SAMD12: variants seen among roughly 807,000 people sequenced by gnomAD.
SAMD12 encodes sterile alpha motif domain-containing protein 12.
SAMD12 carries 9 observed loss-of-function variants against 15.0 expected under a neutral mutation model. That is an observed-to-expected ratio of 0.60 (90% CI 0.36 to 1.05). The LOEUF is 1.05. Ranked by LOEUF, SAMD12 falls within the 50% of genes least tolerant of loss-of-function variation. The pLI is 0.01. For missense variants in SAMD12, 230 were observed against 234.2 expected (o/e 0.98, Z 0.12); for synonymous variants, 86 against 90.1 (o/e 0.96, Z 0.25).
chr8:118,405,436 C>T (rs138324001), intron 3 of SAMD12, among the ~76,000 whole-genome samples: 1 of 151,958 alleles, frequency 6.6e-6, no homozygotes, highest in African/African-American at 2.4e-5. Flanking sequence ...TGGAAAAAAA[C>T]CAGGTATAAA....
intron 2 of SAMD12, among the ~76,000 whole-genome samples, chr8:118,530,176 A>T (rs377329631): frequency 6.6e-6 from 1 of 152,084 alleles, no homozygotes; most frequent in African/African-American, 2.4e-5. Flanking sequence ...TCTTCTTTTG[A>T]GAAGTGTCTG....
At chr8:118,366,095 C>A (rs980130840) in intron 4 of SAMD12, among the ~76,000 whole-genome samples, 3 of 152,166 alleles carry the variant, frequency 2.0e-5, no homozygotes, top group Non-Finnish European at 4.4e-5. Context: ...AGGCACTCAG[C>A]AAATACACGG....
intron 1 of SAMD12, among the ~76,000 whole-genome samples, chr8:118,620,211 T>C (rs1828357172): frequency 6.6e-6 from 1 of 152,018 alleles, no homozygotes. Context: ...AAGAGGAGTG[T>C]CCCTGTCTTG....
At chr8:118,429,901 C>T (rs1222547777) in intron 3 of SAMD12, among the ~76,000 whole-genome samples, 1 of 151,394 alleles carries the variant, frequency 6.6e-6, no homozygotes, top group Admixed American at 6.6e-5. Flanking sequence ...CACACACATA[C>T]AAAAATAGAT....
intron 4 of SAMD12, among the ~76,000 whole-genome samples, chr8:118,237,608 C>T (rs906555784): frequency 2.0e-5 from 3 of 152,062 alleles, no homozygotes; most frequent in Non-Finnish European, 2.9e-5. Context: ...CCCAGGGCCT[C>T]TTACTATGAG....
intron 4 of SAMD12, among the ~76,000 whole-genome samples, chr8:118,305,803 C>T (rs1167984925): frequency 2.6e-5 from 4 of 152,124 alleles, no homozygotes; most frequent in Non-Finnish European, 5.9e-5. Flanking sequence ...ACTCTGTTTG[C>T]CTGGGATGAC....
At chr8:118,374,531 T>A (rs1488342647), downstream of SAMD12, among the ~76,000 whole-genome samples, 1 of 152,086 alleles carries the variant, frequency 6.6e-6, no homozygotes. Context: ...GGTAACTCTA[T>A]TTTTAGTTTT....
intron 1 of SAMD12, among the ~76,000 whole-genome samples, chr8:118,604,106 C>A (rs566934392): frequency 6.6e-6 from 1 of 152,184 alleles, no homozygotes; most frequent in African/African-American, 2.4e-5. Flanking sequence ...ACATACATAC[C>A]AGGCTTCACT....
the SAMD12 span, among the ~76,000 whole-genome samples, chr8:118,182,632 A>G: frequency 6.6e-6 from 1 of 152,242 alleles, no homozygotes. Flanking sequence ...TTGAATAAAC[A>G]TAAAAAAAAC....
chr8:118,481,235 G>A (rs556726259), intron 2 of SAMD12, among the ~76,000 whole-genome samples: 1 of 152,280 alleles, frequency 6.6e-6, no homozygotes, highest in Admixed American at 6.5e-5. Context: ...GATTACAGGT[G>A]TGAGCCACTG....
chr8:118,410,019 A>C (rs529816239), intron 3 of SAMD12, among the ~76,000 whole-genome samples: 15 of 152,182 alleles, frequency 9.9e-5, no homozygotes, highest in African/African-American at 3.4e-4. Flanking sequence ...GTTAGCTAGC[A>C]ATAATATGAA....
chr8:118,340,693 C>T (rs536324658), intron 4 of SAMD12, among the ~76,000 whole-genome samples: 7 of 152,132 alleles, frequency 4.6e-5, no homozygotes, highest in Admixed American at 3.3e-4. Flanking sequence ...CACTTGAACC[C>T]GGGAGGTGGA....
chr8:118,207,928 CT>C (rs11428909), intron 4 of SAMD12, among the ~76,000 whole-genome samples: 53,097 of 149,632 alleles, frequency 0.35, 10,331 homozygotes, highest in African/African-American at 0.53. Flanking sequence ...GTAAATACTC[CT>C]TTTTTTTTTT....
chr8:118,355,130 A>T (rs1818167257), intron 4 of SAMD12, among the ~76,000 whole-genome samples: 1 of 152,238 alleles, frequency 6.6e-6, no homozygotes, highest in Non-Finnish European at 1.5e-5. Flanking sequence ...AAAAATATGG[A>T]ACCAACCCAA....
the SAMD12 span, among the ~76,000 whole-genome samples, chr8:118,170,271 T>C: frequency 6.6e-6 from 1 of 152,192 alleles, no homozygotes; most frequent in Non-Finnish European, 1.5e-5. Flanking sequence ...AGGCCCAATA[T>C]GTATTAGTTA....
At chr8:118,236,233 C>T (rs1383086506) in intron 4 of SAMD12, among the ~76,000 whole-genome samples, 1 of 152,178 alleles carries the variant, frequency 6.6e-6, no homozygotes, top group Non-Finnish European at 1.5e-5. Context: ...GCAGCAACAT[C>T]TCATTTGCCA....
intron 2 of SAMD12, among the ~76,000 whole-genome samples, chr8:118,479,590 A>G (rs1053655283): frequency 5.3e-5 from 8 of 152,174 alleles, no homozygotes; most frequent in African/African-American, 1.9e-4. Context: ...GTGCAACTCA[A>G]GATGAGATTT....
chr8:118,612,782 A>C (rs760545126), intron 1 of SAMD12, among the ~76,000 whole-genome samples: 19 of 152,354 alleles, frequency 1.2e-4, no homozygotes, highest in Non-Finnish European at 2.4e-4. Flanking sequence ...TGGTTTACTC[A>C]TGATTACCAA....
chr8:118,400,613 C>A (rs370522590), intron 3 of SAMD12: 21 of 152,208 alleles, frequency 1.4e-4, no homozygotes, highest in African/African-American at 4.8e-4. Context: ...CTGACCCTTG[C>A]AGAAGCTACA....
Sources: gnomAD v4.1 joint callset for allele counts (sites outside exome capture counted in the v4.1 genomes callset) on GRCh38, gnomAD v4.1.1 for gene constraint, MANE v1.5 for transcripts, NCBI Gene and HGNC (gene_info 2026-07-23, HGNC 2026-07-21) for gene names.